The following SRGAP3 variants were observed in gnomAD, a reference collection of about 807,000 sequenced individuals.
SRGAP3 encodes SLIT-ROBO Rho GTPase-activating protein 3.
A neutral mutation model predicts 121.1 loss-of-function variants in SRGAP3; 39 were observed. That is an observed-to-expected ratio of 0.32 (90% CI 0.25 to 0.42). SRGAP3 has a LOEUF of 0.42. SRGAP3 is among the 10% of genes least tolerant of loss of function. SRGAP3 has a pLI of 1.00. For synonymous variants in SRGAP3, 601 were observed against 570.0 expected (o/e 1.05, Z -0.77); for missense variants, 1,213 against 1,470.6 (o/e 0.82, Z 2.86).
intron 1 of SRGAP3, among the ~76,000 whole-genome samples, chr3:9,144,159 T>C (rs1290433152): frequency 6.6e-6 from 1 of 152,170 alleles, no homozygotes; most frequent in Non-Finnish European, 1.5e-5. Flanking sequence ...AGCCTAAACC[T>C]CTTCAATGGA....
chr3:9,312,427 G>A (rs976787657), intron 3 of SRGAP3, among the ~76,000 whole-genome samples: 2 of 152,314 alleles, frequency 1.3e-5, no homozygotes, highest in African/African-American at 2.4e-5. Context: ...AAAGTGCTGG[G>A]ATTACAGGCG....
intron 1 of SRGAP3, among the ~76,000 whole-genome samples, chr3:9,184,582 T>C (rs1365960209): frequency 6.6e-6 from 1 of 152,140 alleles, no homozygotes; most frequent in Non-Finnish European, 1.5e-5. Context: ...TTATTATTAT[T>C]AGAAATGCAG....
At chr3:8,988,026 C>T (rs1435986851) in intron 21 of SRGAP3, among the ~76,000 whole-genome samples, 2 of 152,084 alleles carry the variant, frequency 1.3e-5, no homozygotes, top group Non-Finnish European at 2.9e-5. Flanking sequence ...ACCCGCCCCA[C>T]CACTCTACCC....
At chr3:9,071,918 C>G (rs150722909) in intron 4 of SRGAP3, among the ~76,000 whole-genome samples, 3 of 152,074 alleles carry the variant, frequency 2.0e-5, no homozygotes, top group Non-Finnish European at 4.4e-5. Context: ...ACAGAGTACA[C>G]GCCGTACTGG....
intron 6 of SRGAP3, 25 bp downstream of exon 6, chr3:9,060,206 G>A (rs111506774): frequency 7.4e-6 from 12 of 1,613,642 alleles, no homozygotes; most frequent in Non-Finnish European, 9.3e-6. Context: ...GCCCTGCTCA[G>A]TCCCAGACTC....
intron 2 of SRGAP3, among the ~76,000 whole-genome samples, chr3:9,106,345 G>A (rs1948417917): frequency 6.6e-6 from 1 of 152,202 alleles, no homozygotes; most frequent in South Asian, 2.1e-4. Context: ...TGAGGGGAGA[G>A]GCCCTTCCAC....
Position 9,037,968 on chromosome 3 carries a change from C to T in SRGAP3, c.1436+95G>A. 5.3e-6 allele frequency: 8 copies of T among 1,516,788 alleles called. No homozygotes were observed. In the South Asian group the frequency reaches 7.9e-5, roughly 15 times the overall value. 94.0% of individuals were successfully genotyped at this position (1,516,788 alleles called of 1,614,324 possible). ...TTGGGGACATTGGTGAAGAAGCCAT[C>T]CCTGCTTCTCCAGCTCCTGGCAGTG... On this transcript the variant is annotated intron_variant, in intron 11 of 21. Transcript: ENST00000383836.
At chr3:9,181,769 T>C (rs554602305) in intron 1 of SRGAP3, among the ~76,000 whole-genome samples, 1 of 152,348 alleles carries the variant, frequency 6.6e-6, no homozygotes, top group African/African-American at 2.4e-5. Flanking sequence ...CGCTAGATAA[T>C]CCAGGATAAT....
chr3:9,306,729 T>C (rs937542008), intron 3 of SRGAP3, among the ~76,000 whole-genome samples: 4 of 152,176 alleles, frequency 2.6e-5, no homozygotes, highest in African/African-American at 9.6e-5. Flanking sequence ...TGGTTGTAGA[T>C]GTGTGGTGCT....
chr3:9,110,850 T>A (rs1304041829), intron 2 of SRGAP3, among the ~76,000 whole-genome samples: 3 of 152,172 alleles, frequency 2.0e-5, no homozygotes, highest in Admixed American at 6.5e-5. Context: ...CTCTACCACA[T>A]CTGAAAGAAG....
chr3:9,171,070 G>C (rs1002363025), intron 1 of SRGAP3, among the ~76,000 whole-genome samples: 6 of 152,184 alleles, frequency 3.9e-5, no homozygotes, highest in Non-Finnish European at 7.3e-5. Context: ...ACCCTTCAGG[G>C]CCTGGGCCCC....
At chr3:9,167,247 C>T (rs1950820701) in intron 1 of SRGAP3, among the ~76,000 whole-genome samples, 1 of 152,162 alleles carries the variant, frequency 6.6e-6, no homozygotes, top group Non-Finnish European at 1.5e-5. Flanking sequence ...TATAGCCTTG[C>T]CTTGACTGCT....
chr3:9,169,193 T>A (rs1163593260), intron 1 of SRGAP3, among the ~76,000 whole-genome samples: 2 of 152,138 alleles, frequency 1.3e-5, no homozygotes, highest in Non-Finnish European at 2.9e-5. Context: ...TTGGGGAGCA[T>A]GAAATAAAAT....
intron 4 of SRGAP3, among the ~76,000 whole-genome samples, chr3:9,076,190 T>C (rs984359436): frequency 6.4e-4 from 97 of 152,240 alleles, no homozygotes; most frequent in African/African-American, 2.3e-3. Flanking sequence ...CCTGCCCAAA[T>C]TGCTGACCCA....
At chr3:9,091,250 C>T (rs934894292) in intron 3 of SRGAP3, among the ~76,000 whole-genome samples, 2 of 152,056 alleles carry the variant, frequency 1.3e-5, no homozygotes, top group Non-Finnish European at 2.9e-5. Context: ...CTGCGTCAGC[C>T]AGCCCCCTGT....
At chr3:8,998,898 G>A (rs1942576285) in intron 18 of SRGAP3, among the ~76,000 whole-genome samples, 1 of 152,174 alleles carries the variant, frequency 6.6e-6, no homozygotes, top group African/African-American at 2.4e-5. Context: ...CTAGGGTTGG[G>A]TCACACCAGT....
At chr3:9,258,196 A>G (rs1954175992) in intron 3 of SRGAP3, among the ~76,000 whole-genome samples, 1 of 152,200 alleles carries the variant, frequency 6.6e-6, no homozygotes, top group Admixed American at 6.5e-5. Context: ...CACTTGACCT[A>G]GACTTGGAAA....
chr3:8,995,948 G>T (rs1244389657), intron 18 of SRGAP3, among the ~76,000 whole-genome samples: 1 of 151,972 alleles, frequency 6.6e-6, no homozygotes, highest in African/African-American at 2.4e-5. Context: ...AGCTTTCTTG[G>T]GGCTCTCTAT....
At position 9,053,028 on chromosome 3, in the gene SRGAP3, G is replaced by A. The variant is rs370075635; in HGVS notation, c.1322C>T (p.Thr441Ile). 258 of 1,613,742 alleles carry A rather than the reference G, an allele frequency of 1.6e-4. 1 individual carries two copies. Among genetic ancestry groups the A allele is most frequent in the Non-Finnish European group, 2.1e-4 (248 of 1,180,032 alleles). Residue 441 changes from threonine (T) to isoleucine (I), a missense_variant and splice_region_variant, in exon 9 of 22, where the codon ACA becomes ATA. Coordinates refer to ENST00000383836, the MANE Select transcript of SRGAP3 (RefSeq NM_014850.4). Reference sequence around the variant, plus strand: ...TTCTGGGCCCAGGATGCCACTTACTGTAAAATAAAACATTTCTGTTTCCTG... The same window carrying A: ...TTCTGGGCCCAGGATGCCACTTACTATAAAATAAAACATTTCTGTTTCCTG... ...NQQETEMFYFTKFKEYVNGSN... is the reference protein window; with the variant it reads ...NQQETEMFYFIKFKEYVNGSN...
Sources: allele counts gnomAD v4.1 joint callset (sites outside exome capture counted in the v4.1 genomes callset), GRCh38; gene constraint gnomAD v4.1.1; transcripts MANE v1.5; gene names NCBI Gene and HGNC (gene_info 2026-07-23, HGNC 2026-07-21).